Variants in ANKS1B observed in about 807,000 individuals in gnomAD.
ANKS1B encodes ankyrin repeat and sterile alpha motif domain containing 1B.
ANKS1B carries 36 observed loss-of-function variants against 148.3 expected under a neutral mutation model. The ratio of observed to expected loss-of-function variants is 0.24; its 90% CI spans 0.19 to 0.32. The LOEUF is 0.32. ANKS1B is among the 10% of genes least tolerant of loss of function. ANKS1B has a pLI of 1.00. For synonymous variants in ANKS1B, 542 were observed against 560.8 expected (o/e 0.97, Z 0.47); for missense variants, 1,157 against 1,542.6 (o/e 0.75, Z 4.19).
chr12:98,986,246 A>C (rs1208895440), intron 17 of ANKS1B, among the ~76,000 whole-genome samples: 1 of 151,682 alleles, frequency 6.6e-6, no homozygotes, highest in Non-Finnish European at 1.5e-5. Context: ...GTGGTCTGTT[A>C]TCTTTATTAA....
intron 9 of ANKS1B, among the ~76,000 whole-genome samples, chr12:99,636,074 T>C (rs764520971): frequency 2.6e-5 from 4 of 151,720 alleles, no homozygotes; most frequent in Non-Finnish European, 5.9e-5. Context: ...AAAAAAAAGA[T>C]AAATACCAAG....
At chr12:99,334,674 A>T (rs956492235) in intron 12 of ANKS1B, among the ~76,000 whole-genome samples, 2 of 152,048 alleles carry the variant, frequency 1.3e-5, no homozygotes, top group Non-Finnish European at 2.9e-5. Flanking sequence ...AAAATGAAAG[A>T]ATAATAATAG....
chr12:99,673,521 G>T (rs2098548100), intron 8 of ANKS1B, among the ~76,000 whole-genome samples: 1 of 151,896 alleles, frequency 6.6e-6, no homozygotes, highest in Admixed American at 6.6e-5. Flanking sequence ...ATAAACAATA[G>T]TATAAGCATT....
intron 9 of ANKS1B, among the ~76,000 whole-genome samples, chr12:99,542,380 T>C (rs1300266667): frequency 6.6e-6 from 1 of 152,122 alleles, no homozygotes; most frequent in Non-Finnish European, 1.5e-5. Context: ...ACTAAAAATT[T>C]AAAAACATAG....
chr12:99,565,554 G>T (rs1371128670), intron 9 of ANKS1B, among the ~76,000 whole-genome samples: 2 of 152,172 alleles, frequency 1.3e-5, no homozygotes, highest in Non-Finnish European at 2.9e-5. Context: ...GGTTTCAAGG[G>T]CAGAGAATAA....
chr12:99,486,331 G>T (rs748866855), intron 10 of ANKS1B, among the ~76,000 whole-genome samples: 1 of 152,000 alleles, frequency 6.6e-6, no homozygotes, highest in African/African-American at 2.4e-5. Context: ...GTCTTTGCAT[G>T]ATGGCTTTCT....
rs543680850 is a variant in ANKS1B at position 99,591,495 on chromosome 12, C to T, written c.1272+63572G>A. 9.9e-5 allele frequency among the ~76,000 whole-genome samples: 15 copies of T among 151,952 alleles called. No individual in the cohort carries two copies. The East Asian group carries it at 2.9e-3, about 29-fold the overall frequency. The stretch of plus-strand genomic sequence containing the variant: ...ATTTGTGGTGAAGCTTACTTTTATA[C>T]TGCAACAAAATTCTTAAAATTATTC... On this transcript the variant is annotated intron_variant, in intron 9 of 26. Transcript: ENST00000683438.
chr12:98,782,130 C>G lies in ANKS1B; in HGVS notation c.3350G>C (p.Cys1117Ser). The G allele has an allele frequency of 6.3e-7, 1 of 1,599,978 alleles. No individual in the cohort carries two copies. Among genetic ancestry groups the G allele is most frequent in the Non-Finnish European group, 8.5e-7 (1 of 1,172,654 alleles). ...TAAACATCAAGAAGAACCTACCTGACAGTTAGCCTGGTGGATTTTCCAGTT... is the reference window on the plus strand; with the variant it reads ...TAAACATCAAGAAGAACCTACCTGAGAGTTAGCCTGGTGGATTTTCCAGTT... Reference protein sequence around the residue: ...QDACAKMRANCQKSTEQMKKV... With the variant: ...QDACAKMRANSQKSTEQMKKV... The change falls in exon 23 of 27, where the codon TGT becomes TCT. Residue 1117 changes from cysteine (C) to serine (S), a missense_variant. This residue lies in a region of ANKS1B where 258 missense variants were observed against 497.0 expected (regional missense o/e 0.52). Coordinates refer to ENST00000683438, the MANE Select transcript of ANKS1B (RefSeq NM_001352186.2).
At chr12:98,867,104 G>C (rs1413011019) in intron 17 of ANKS1B, among the ~76,000 whole-genome samples, 1 of 152,172 alleles carries the variant, frequency 6.6e-6, no homozygotes, top group Non-Finnish European at 1.5e-5. Flanking sequence ...CCTCTAAAAA[G>C]GAATTTCTTA....
At chr12:99,192,863 T>C (rs2080916090) in intron 14 of ANKS1B, among the ~76,000 whole-genome samples, 1 of 152,100 alleles carries the variant, frequency 6.6e-6, no homozygotes, top group Non-Finnish European at 1.5e-5. Context: ...ATATAATAAA[T>C]ACAATTTGAG....
At chr12:99,712,905 C>T (rs1307589154) in intron 8 of ANKS1B, among the ~76,000 whole-genome samples, 2 of 152,172 alleles carry the variant, frequency 1.3e-5, no homozygotes, top group Non-Finnish European at 2.9e-5. Flanking sequence ...CAGAGTTATC[C>T]TTCTTTTCAT....
rs546894943 is a variant in ANKS1B, at chr12:99,909,184, G to A, written c.134+74920C>T. 2.0e-5 allele frequency among the ~76,000 whole-genome samples: 3 copies of A among 151,128 alleles called. No homozygotes were observed. In the East Asian group the frequency reaches 5.8e-4, roughly 29 times the overall value. On this transcript the variant is annotated intron_variant, in intron 1 of 26. Coordinates refer to ENST00000683438, the MANE Select transcript of ANKS1B (RefSeq NM_001352186.2). ...TTATCCATGTTCTCTCAAATAGCAA[G>A]ATCTCCTTTTTTAAGGCTGGACAAT...
At chr12:99,944,315 A>G (rs1472923025) in intron 1 of ANKS1B, among the ~76,000 whole-genome samples, 20 of 152,050 alleles carry the variant, frequency 1.3e-4, no homozygotes, top group Admixed American at 1.3e-3. Flanking sequence ...ATCTTTTCGT[A>G]TCAATCTGGC....
intron 9 of ANKS1B, among the ~76,000 whole-genome samples, chr12:99,533,397 A>G (rs568731979): frequency 6.6e-6 from 1 of 152,250 alleles, no homozygotes; most frequent in Non-Finnish European, 1.5e-5. Context: ...GTAATCTGAG[A>G]CTTTAGTGAA....
chr12:98,983,432 T>C (rs1306479580), intron 17 of ANKS1B, among the ~76,000 whole-genome samples: 3 of 152,214 alleles, frequency 2.0e-5, no homozygotes, highest in Non-Finnish European at 2.9e-5. Context: ...CTCTCTGAGT[T>C]GGATAAAAGT....
At chr12:99,143,552 T>C (rs1235002578) in intron 15 of ANKS1B, among the ~76,000 whole-genome samples, 1 of 152,062 alleles carries the variant, frequency 6.6e-6, no homozygotes, top group Non-Finnish European at 1.5e-5. Flanking sequence ...TTATGACAGC[T>C]CATTACACCA....
intron 4 of ANKS1B, among the ~76,000 whole-genome samples, chr12:99,783,646 CAT>C (rs770826724): frequency 6.6e-6 from 1 of 152,096 alleles, no homozygotes; most frequent in Non-Finnish European, 1.5e-5. Flanking sequence ...ATAAATACCA[CAT>C]GTTCTCACAT....
At chr12:99,651,242 T>C (rs996633165) in intron 9 of ANKS1B, among the ~76,000 whole-genome samples, 3 of 152,310 alleles carry the variant, frequency 2.0e-5, no homozygotes, top group Admixed American at 1.3e-4. Flanking sequence ...GGTTTCAAAA[T>C]ATGAAAAACA....
intron 17 of ANKS1B, among the ~76,000 whole-genome samples, chr12:98,993,536 T>A (rs558598369): frequency 7.9e-5 from 12 of 152,086 alleles, no homozygotes; most frequent in African/African-American, 2.9e-4. Context: ...CTTTACCCTC[T>A]CCATTTCGTA....
Sources: gnomAD v4.1 joint callset for allele counts (sites outside exome capture counted in the v4.1 genomes callset) on GRCh38, gnomAD v4.1.1 for gene constraint, gnomAD v4.1.1 regional missense constraint, MANE v1.5 for transcripts, NCBI Gene and HGNC (gene_info 2026-07-23, HGNC 2026-07-21) for gene names.